WDR7: variants seen among roughly 807,000 people sequenced by gnomAD.
The protein encoded by WDR7 is WD repeat domain 7.
WDR7 carries 46 observed loss-of-function variants against 169.4 expected under a neutral mutation model. The observed-to-expected ratio is 0.27, with a 90% CI of 0.21 to 0.35. The LOEUF (loss-of-function observed/expected upper bound fraction) is 0.35. WDR7 is among the 10% of genes least tolerant of loss of function. The probability of loss-of-function intolerance (pLI) is 1.00; values close to 1 mark genes in which losing one functional copy is unlikely to be tolerated. For missense variants in WDR7, 1,534 were observed against 1,859.3 expected, an observed-to-expected ratio of 0.83 and a Z score of 3.22; for synonymous variants, 612 against 666.8, an observed-to-expected ratio of 0.92 and a Z score of 1.27.
chr18:56,876,557 C>A (rs2046024679), intron 20 of WDR7, among the ~76,000 whole-genome samples: 1 of 152,116 alleles, frequency 6.6e-6, no homozygotes, highest in African/African-American at 2.4e-5. Context: ...AGAGGACTTA[C>A]AATACATCAT....
In WDR7 at chr18:56,796,027, G is replaced by A. The variant is rs142007443; in HGVS notation, c.3190+14371G>A. Reference sequence around the variant, plus strand: ...ACATTATAATGAGTTTCTGTACTTCGAAGGTTAATTTTTTTACCTGGAAAT... The same window carrying A: ...ACATTATAATGAGTTTCTGTACTTCAAAGGTTAATTTTTTTACCTGGAAAT... On this transcript the variant is annotated intron_variant, in intron 19 of 27. Transcript: ENST00000254442. Among the ~76,000 whole-genome samples, 647 of 152,262 alleles carry A rather than the reference G, an allele frequency of 4.2e-3. 2 individuals are homozygous for A. The highest frequency in any genetic ancestry group is 6.8e-3 in the Non-Finnish European group (462 of 68,008).
intron 26 of WDR7, among the ~76,000 whole-genome samples, chr18:57,008,521 C>T (rs1305582382): frequency 1.3e-5 from 2 of 152,182 alleles, no homozygotes; most frequent in African/African-American, 2.4e-5. Context: ...CAGAGTGACA[C>T]GGGAGTGCTG....
Position 56,758,965 on chromosome 18 carries a change from T to A in WDR7, c.2848+12T>A. 1 of 1,597,976 alleles carries A rather than the reference T, an allele frequency of 6.3e-7. No individual in the cohort carries two copies. The highest frequency in any genetic ancestry group is 1.1e-5 in the South Asian group (1 of 89,156). On this transcript the variant is annotated intron_variant, in intron 16 of 27. Coordinates refer to ENST00000254442, the MANE Select transcript of WDR7 (RefSeq NM_015285.3). ...ACAGATTAAACAAGGTAAAATTAAA[T>A]CTTATTAAGTAATTGACATGACATT...
chr18:56,793,418 C>A (rs1486221555), intron 19 of WDR7, among the ~76,000 whole-genome samples: 4 of 152,188 alleles, frequency 2.6e-5, no homozygotes, highest in Admixed American at 2.0e-4. Flanking sequence ...GAAGTTAAAT[C>A]TGTTAATTTG....
At chr18:56,988,523 T>C (rs2047758725) in intron 26 of WDR7, among the ~76,000 whole-genome samples, 1 of 151,906 alleles carries the variant, frequency 6.6e-6, no homozygotes, top group South Asian at 2.1e-4. Context: ...CAAGTACATC[T>C]TTGAAAAAAA....
chr18:56,810,534 A>G (rs2044850275), intron 19 of WDR7, among the ~76,000 whole-genome samples: 3 of 152,190 alleles, frequency 2.0e-5, no homozygotes, highest in Admixed American at 1.3e-4. Flanking sequence ...AGTTACAAAT[A>G]TGGTCAACAT....
intron 14 of WDR7, among the ~76,000 whole-genome samples, chr18:56,754,124 G>T (rs1475071487): frequency 6.6e-6 from 1 of 151,348 alleles, no homozygotes; most frequent in Admixed American, 6.6e-5. Context: ...GTGTATATAT[G>T]TACACACACA....
Position 56,718,000 on chromosome 18 carries a change from G to T in WDR7, c.1615G>T (p.Asp539Tyr). ...GCACTGCATCTGCTCTGTAGCCAGT[G>T]ACCACTCAGTAGGACTTCTAAGTTT... ...VQHCICSVAS[D>Y]HSVGLLSLRE... Residue 539 changes from aspartate to tyrosine, a missense_variant, in exon 13 of 28, where the codon GAC becomes TAC. Transcript: ENST00000254442. 6.2e-7 allele frequency: 1 copy of T among 1,614,038 alleles called. No homozygotes were observed. The highest frequency in any genetic ancestry group is 1.1e-5 in the South Asian group (1 of 91,054).
At chr18:56,936,004 A>T (rs2046956214) in intron 23 of WDR7, 99 bp downstream of exon 23, 2 of 1,105,608 alleles carry the variant, frequency 1.8e-6, no homozygotes, top group Non-Finnish European at 2.6e-6. Flanking sequence ...TTTACAGTTT[A>T]TTCTAGAACA....
At chr18:56,992,536 T>C (rs561757912) in intron 26 of WDR7, among the ~76,000 whole-genome samples, 1 of 152,312 alleles carries the variant, frequency 6.6e-6, no homozygotes, top group East Asian at 1.9e-4. Context: ...AATTAACATA[T>C]TTTTAACAAA....
At chr18:56,806,104 G>T (rs1470000910) in intron 19 of WDR7, among the ~76,000 whole-genome samples, 1 of 152,132 alleles carries the variant, frequency 6.6e-6, no homozygotes, top group African/African-American at 2.4e-5. Context: ...ATCCTAAGAA[G>T]AGCTGATTTT....
rs200711782 is a variant in WDR7, at chr18:56,776,846, T to C, written c.2913T>C (p.Ala971=). 6.2e-7 allele frequency: 1 copy of C among 1,614,042 alleles called. No homozygotes were observed. Among genetic ancestry groups the C allele is most frequent in the East Asian group, 2.2e-5 (1 of 44,874 alleles). ...ADHSGSDPPS[A]PALHTCFLVN... Reference sequence around the variant, plus strand: ...ACTCTGGCTCTGACCCTCCTTCTGCTCCTGCTTTACATACCTGTTTCTTAG... The same window carrying C: ...ACTCTGGCTCTGACCCTCCTTCTGCCCCTGCTTTACATACCTGTTTCTTAG... Residue 971 remains alanine, a synonymous_variant, in exon 17 of 28, where the codon GCT becomes GCC. Transcript: ENST00000254442.
At chr18:56,808,554 T>G (rs1333564188) in intron 19 of WDR7, among the ~76,000 whole-genome samples, 1 of 152,160 alleles carries the variant, frequency 6.6e-6, no homozygotes, top group East Asian at 1.9e-4. Context: ...TGAACTGAAG[T>G]GGTTTTATAT....
chr18:56,979,110 C>T (rs1447985892), intron 26 of WDR7, among the ~76,000 whole-genome samples: 1 of 151,878 alleles, frequency 6.6e-6, no homozygotes, highest in Non-Finnish European at 1.5e-5. Context: ...GGGGGAAAAC[C>T]TATGATATTG....
At chr18:56,972,785 G>A (rs528336951) in intron 26 of WDR7, among the ~76,000 whole-genome samples, 2 of 152,222 alleles carry the variant, frequency 1.3e-5, no homozygotes, top group South Asian at 2.1e-4. Flanking sequence ...TTAACTGACC[G>A]TGTGGAGGAG....
At position 56,687,018 on chromosome 18, in the gene WDR7, A is replaced by G. The variant is rs375673076; in HGVS notation, c.717+44A>G. Reference sequence around the variant, plus strand: ...TAAGAAGCTGTATTTTTATCCTTCAAGACATTGGTTTATCAGATTTCCAAA... The same window carrying G: ...TAAGAAGCTGTATTTTTATCCTTCAGGACATTGGTTTATCAGATTTCCAAA... On this transcript the variant is annotated intron_variant, in intron 7 of 27. Coordinates refer to ENST00000254442, the MANE Select transcript of WDR7 (RefSeq NM_015285.3). The G allele has an allele frequency of 5.3e-5, 81 of 1,537,912 alleles. No homozygotes were observed. The African/African-American group carries it at 9.7e-4, about 18-fold the overall frequency.
intron 26 of WDR7, among the ~76,000 whole-genome samples, chr18:57,017,412 CTGTG>C (rs10571337): frequency 0.5 from 72,197 of 143,360 alleles, 18,763 homozygotes; most frequent in East Asian, 0.83. Flanking sequence ...CAGCATCATG[CTGTG>C]TGTGTGTGTG....
chr18:56,934,910 A>G (rs1053388111), intron 22 of WDR7, among the ~76,000 whole-genome samples: 14 of 152,236 alleles, frequency 9.2e-5, no homozygotes, highest in Admixed American at 7.2e-4. Context: ...TACTCCTTGT[A>G]TACAGTTAAT....
At chr18:56,972,280 A>C (rs747780524) in intron 26 of WDR7, among the ~76,000 whole-genome samples, 10 of 152,180 alleles carry the variant, frequency 6.6e-5, no homozygotes, top group Admixed American at 2.0e-4. Flanking sequence ...AAAATAACAA[A>C]GATTTTACTT....
Sources: allele counts gnomAD v4.1 joint callset (sites outside exome capture counted in the v4.1 genomes callset), GRCh38; gene constraint gnomAD v4.1.1; transcripts MANE v1.5; gene names NCBI Gene and HGNC (gene_info 2026-07-23, HGNC 2026-07-21).